Variants in REL observed in about 807,000 individuals in gnomAD.
The protein encoded by REL is REL proto-oncogene, NF-kB subunit.
A neutral mutation model predicts 45.9 loss-of-function variants in REL; 15 were observed. The ratio of observed to expected loss-of-function variants is 0.33; its 90% CI spans 0.22 to 0.50. REL has a LOEUF of 0.50. Ranked by LOEUF, REL falls within the 20% of genes least tolerant of loss-of-function variation. The pLI is 0.98. For missense variants in REL, 601 were observed against 715.2 expected (o/e 0.84, Z 1.82); for synonymous variants, 239 against 242.1 (o/e 0.99, Z 0.12).
At chr2:60,901,714 C>A (rs149537145) in intron 4 of REL, among the ~76,000 whole-genome samples, 1 of 152,118 alleles carries the variant, frequency 6.6e-6, no homozygotes, top group Non-Finnish European at 1.5e-5. Flanking sequence ...TACACTCCCC[C>A]CTTTTGAGTG....
chr2:60,889,296 T>G (rs1181870090), intron 1 of REL, among the ~76,000 whole-genome samples: 1 of 152,198 alleles, frequency 6.6e-6, no homozygotes, highest in Admixed American at 6.5e-5. Flanking sequence ...TCGCTCTTAT[T>G]TCCGCAGAAT....
At chr2:60,916,826 CT>C (rs1673974457) in intron 4 of REL, 50 bp from the exon 5 acceptor site, 1 of 1,386,596 alleles carries the variant, frequency 7.2e-7, no homozygotes, top group East Asian at 2.3e-5. Flanking sequence ...CCTAGCAAGT[CT>C]TTAGGTCTAT....
intron 1 of REL, among the ~76,000 whole-genome samples, chr2:60,890,429 C>T (rs944692084): frequency 2.0e-5 from 3 of 152,082 alleles, no homozygotes; most frequent in Admixed American, 1.3e-4. Context: ...TTCTAAAGGC[C>T]TCTTCTCCAT....
At position 60,881,712 on chromosome 2, in the gene REL, G is replaced by A. The variant is rs977371856; in HGVS notation, c.-129G>A. On this transcript the variant is annotated 5_prime_UTR_variant, in exon 1 of 10. Transcript: ENST00000394479. ...AGCGGAGGGCGGGAAGAAGGAGGAG[G>A]CCTCTAGGGTGGTCGGGGGACTGGG... is the stretch of plus-strand genomic sequence containing the variant. 9.1e-6 allele frequency: 6 copies of A among 661,028 alleles called. No individual in the cohort carries two copies. The African/African-American group carries it at 1.2e-4, about 13-fold the overall frequency. The allele number at this position is 661,028 out of a possible 1,614,324, so 40.9% of individuals were successfully genotyped here.
chr2:60,881,710 A>G lies in REL; in HGVS notation c.-131A>G. Reference sequence around the variant, plus strand: ...CCAGCGGAGGGCGGGAAGAAGGAGGAGGCCTCTAGGGTGGTCGGGGGACTG... The same window carrying G: ...CCAGCGGAGGGCGGGAAGAAGGAGGGGGCCTCTAGGGTGGTCGGGGGACTG... On this transcript the variant is annotated 5_prime_UTR_variant, in exon 1 of 10. Coordinates refer to ENST00000394479, the MANE Select transcript of REL (RefSeq NM_001291746.2). The G allele has an allele frequency of 1.5e-6, 1 of 649,962 alleles. No individual in the cohort carries two copies. Among genetic ancestry groups the G allele is most frequent in the Non-Finnish European group, 2.6e-6 (1 of 386,102 alleles). The allele number at this position is 649,962 out of a possible 1,614,324, so 40.3% of individuals were successfully genotyped here.
chr2:60,883,442 G>C (rs1249966421), intron 1 of REL, among the ~76,000 whole-genome samples: 1 of 152,178 alleles, frequency 6.6e-6, no homozygotes, highest in East Asian at 1.9e-4. Flanking sequence ...CAGACTTTCA[G>C]ATAATCGTGT....
intron 4 of REL, among the ~76,000 whole-genome samples, chr2:60,903,269 A>G (rs1264676136): frequency 6.6e-6 from 1 of 152,234 alleles, no homozygotes; most frequent in Non-Finnish European, 1.5e-5. Context: ...GTCCCAAATC[A>G]TGCTGCAAAT....
At chr2:60,897,646 C>G (rs1673385383) in intron 3 of REL, among the ~76,000 whole-genome samples, 2 of 152,054 alleles carry the variant, frequency 1.3e-5, no homozygotes, top group East Asian at 3.9e-4. Context: ...AAGTCATCAG[C>G]TTTTTCCAGA....
At chr2:60,918,647 G>A in intron 7 of REL, 41 bp downstream of exon 7, 1 of 1,338,466 alleles carries the variant, frequency 7.5e-7, no homozygotes, top group Non-Finnish European at 1.1e-6. Flanking sequence ...ATTTCTTGAA[G>A]TGGTCCTGCT....
intron 1 of REL, among the ~76,000 whole-genome samples, chr2:60,889,464 T>A (rs55708439): frequency 1.8e-4 from 28 of 152,150 alleles, no homozygotes; most frequent in Non-Finnish European, 3.5e-4. Context: ...CATTTTTTTT[T>A]ATTTTTTATT....
chr2:60,922,613 A>C lies in REL; in HGVS notation c.*78A>C. 7.0e-7 allele frequency: 1 copy of C among 1,423,088 alleles called. No individual in the cohort carries two copies. The allele number at this position is 1,423,088 out of a possible 1,614,324, so 88.2% of individuals were successfully genotyped here. A position where few individuals can be genotyped will look rare whatever the true frequency, so the allele number is the denominator to read the frequency against. ...ATTTTGTATTTGTCTAACTGGGGAT[A>C]TAATACTATATTTATACTGTATATA... On this transcript the variant is annotated 3_prime_UTR_variant, in exon 10 of 10. Transcript: ENST00000394479.
chr2:60,920,697 C>A, intron 9 of REL, 55 bp downstream of exon 9: 2 of 1,079,282 alleles, frequency 1.9e-6, no homozygotes, highest in Non-Finnish European at 2.8e-6. Context: ...GTACTTTGCA[C>A]AATATATTGG....
In REL at chr2:60,927,148, G is replaced by T. The variant is rs930877404; in HGVS notation, c.*4613G>T. Reference sequence around the variant, plus strand: ...AAGTGTTTGTCTCTTTCGTCATTGGGACTCCAGCACCCAGCATAGTCCCTA... The same window carrying T: ...AAGTGTTTGTCTCTTTCGTCATTGGTACTCCAGCACCCAGCATAGTCCCTA... On this transcript the variant is annotated 3_prime_UTR_variant, in exon 10 of 10. Coordinates refer to ENST00000394479, the MANE Select transcript of REL (RefSeq NM_001291746.2). 8.9e-6 allele frequency: 2 copies of T among 225,342 alleles called. No individual in the cohort carries two copies. Among genetic ancestry groups the T allele is most frequent in the African/African-American group, 4.4e-5 (2 of 44,960 alleles). 14.0% of individuals were successfully genotyped at this position (225,342 alleles called of 1,614,324 possible).
intron 4 of REL, among the ~76,000 whole-genome samples, chr2:60,913,683 A>G (rs1331988328): frequency 6.6e-6 from 1 of 152,216 alleles, no homozygotes; most frequent in Admixed American, 6.5e-5. Context: ...GGCTATATTC[A>G]GATAAAAGTG....
intron 4 of REL, among the ~76,000 whole-genome samples, chr2:60,903,522 C>T (rs1041916190): frequency 6.6e-6 from 1 of 151,564 alleles, no homozygotes; most frequent in African/African-American, 2.4e-5. Context: ...TACAGGTGTG[C>T]ATCACCATGC....
At chr2:60,888,574 A>G (rs1189538036) in intron 1 of REL, among the ~76,000 whole-genome samples, 1 of 152,236 alleles carries the variant, frequency 6.6e-6, no homozygotes, top group Non-Finnish European at 1.5e-5. Flanking sequence ...ACTCATCTGC[A>G]TATCTTATGT....
Position 60,922,998 on chromosome 2 carries a change from C to G in REL, c.*463C>G, listed in dbSNP as rs2103991676. 1 of 159,950 alleles carries G rather than the reference C, an allele frequency of 6.3e-6. No individual in the cohort carries two copies. The highest frequency in any genetic ancestry group is 2.4e-5 in the African/African-American group (1 of 41,320). 9.9% of individuals were successfully genotyped at this position (159,950 alleles called of 1,614,324 possible). A position where few individuals can be genotyped will look rare whatever the true frequency, so the allele number is the denominator to read the frequency against. On this transcript the variant is annotated 3_prime_UTR_variant, in exon 10 of 10. Transcript: ENST00000394479. ...AGCAGAGGTTGCAGTGAGCTGAGAT[C>G]ACACCACCGCACTCCAGCCTGGGTG...
chr2:60,913,203 A>G (rs1432248457), intron 4 of REL, among the ~76,000 whole-genome samples: 1 of 151,962 alleles, frequency 6.6e-6, no homozygotes, highest in Non-Finnish European at 1.5e-5. Flanking sequence ...AGTTACTTTA[A>G]ATTATATGTC....
chr2:60,913,894 A>T (rs1292593405), intron 4 of REL, among the ~76,000 whole-genome samples: 1 of 152,200 alleles, frequency 6.6e-6, no homozygotes, highest in Non-Finnish European at 1.5e-5. Flanking sequence ...CGTTTACTTT[A>T]TGCTTTCTTC....
Sources: allele counts gnomAD v4.1 joint callset (sites outside exome capture counted in the v4.1 genomes callset), GRCh38; gene constraint gnomAD v4.1.1; transcripts MANE v1.5; gene names NCBI Gene and HGNC (gene_info 2026-07-23, HGNC 2026-07-21).